ACOXL: variants seen among roughly 807,000 people sequenced by gnomAD.
The protein encoded by ACOXL is acyl-coenzyme A oxidase-like protein.
Under a neutral mutation model 71.9 loss-of-function variants are expected in ACOXL, and 70 were observed. The ratio of observed to expected loss-of-function variants is 0.97; its 90% CI spans 0.80 to 1.19. The LOEUF (loss-of-function observed/expected upper bound fraction) is 1.19. Ranked by LOEUF, ACOXL falls within the 50% of genes most tolerant of loss-of-function variation. ACOXL has a pLI of 0.00. For synonymous variants in ACOXL, 253 were observed against 281.6 expected (o/e 0.90, Z 1.02); for missense variants, 703 against 736.3 (o/e 0.95, Z 0.52).
intron 8 of ACOXL, 43 bp from the exon 9 acceptor site, chr2:110,805,220 T>C (rs200436820): frequency 3.7e-6 from 6 of 1,611,826 alleles, no homozygotes; most frequent in Non-Finnish European, 4.2e-6. Flanking sequence ...CTGGTGGTGC[T>C]ATGTCCTGCT....
intron 12 of ACOXL, among the ~76,000 whole-genome samples, chr2:110,948,274 G>C (rs1309828628): frequency 6.6e-6 from 1 of 152,182 alleles, no homozygotes; most frequent in Non-Finnish European, 1.5e-5. Context: ...TAATCCATCC[G>C]GGCAGCGACT....
At chr2:110,808,788 A>C (rs1686968945) in intron 9 of ACOXL, among the ~76,000 whole-genome samples, 1 of 151,980 alleles carries the variant, frequency 6.6e-6, no homozygotes, top group Non-Finnish European at 1.5e-5. Context: ...AAGGCACTGG[A>C]CTCCCCACTT....
chr2:110,917,474 T>C (rs1238334806), intron 11 of ACOXL, among the ~76,000 whole-genome samples: 11 of 152,220 alleles, frequency 7.2e-5, no homozygotes, highest in Non-Finnish European at 1.2e-4. Flanking sequence ...ACTGGAAGCA[T>C]TCCCTTTGAA....
chr2:110,999,713 C>T (rs910918291), intron 14 of ACOXL, among the ~76,000 whole-genome samples: 3 of 152,144 alleles, frequency 2.0e-5, no homozygotes, highest in African/African-American at 7.2e-5. Flanking sequence ...TGGGCAAAAC[C>T]ATGTCATAAG....
chr2:111,028,099 G>C (rs1450389810), intron 14 of ACOXL, among the ~76,000 whole-genome samples: 4 of 151,922 alleles, frequency 2.6e-5, no homozygotes, highest in Non-Finnish European at 5.9e-5. Context: ...GAGGTTGGGA[G>C]GATTGCAAGA....
At chr2:110,979,212 C>A (rs1390977701) in intron 12 of ACOXL, among the ~76,000 whole-genome samples, 1 of 152,180 alleles carries the variant, frequency 6.6e-6, no homozygotes, top group Non-Finnish European at 1.5e-5. Flanking sequence ...GTAATAAATA[C>A]CCATCTAAAG....
intron 3 of ACOXL, among the ~76,000 whole-genome samples, chr2:110,791,493 A>T (rs1684644879): frequency 6.6e-6 from 1 of 152,228 alleles, no homozygotes; most frequent in Admixed American, 6.5e-5. Flanking sequence ...TTAACTCCCA[A>T]GATGGTTTAG....
chr2:110,867,224 G>T (rs1328818212), intron 10 of ACOXL, among the ~76,000 whole-genome samples: 1 of 152,172 alleles, frequency 6.6e-6, no homozygotes, highest in African/African-American at 2.4e-5. Flanking sequence ...GCTTGGAAGG[G>T]CATGGAGCTG....
intron 3 of ACOXL, among the ~76,000 whole-genome samples, chr2:110,789,631 C>T (rs1684410547): frequency 6.6e-6 from 1 of 152,160 alleles, no homozygotes; most frequent in Non-Finnish European, 1.5e-5. Flanking sequence ...TGGAGTCCCA[C>T]CCTCATGAGC....
intron 12 of ACOXL, among the ~76,000 whole-genome samples, chr2:110,945,875 T>A (rs948791548): frequency 6.6e-6 from 1 of 152,238 alleles, no homozygotes; most frequent in Non-Finnish European, 1.5e-5. Flanking sequence ...TTTTTCTAAT[T>A]CTGTGAAGAA....
At chr2:110,968,473 G>T in intron 12 of ACOXL, 1 of 1,293,290 alleles carries the variant, frequency 7.7e-7, no homozygotes, top group Non-Finnish European at 1.1e-6. Flanking sequence ...CTTAATGGAA[G>T]AAGATGAAGA....
chr2:111,101,088 GA>G (rs1558969624), intron 17 of ACOXL: 1 of 152,656 alleles, frequency 6.6e-6, no homozygotes, highest in African/African-American at 2.4e-5. Context: ...CTTGGAGGAA[GA>G]ATGCGCAGAA....
intron 14 of ACOXL, 57 bp downstream of exon 14, chr2:110,996,061 G>A: frequency 1.5e-6 from 2 of 1,370,386 alleles, no homozygotes; most frequent in Non-Finnish European, 2.1e-6. Flanking sequence ...GGATATCCTT[G>A]CTGGTGAACT....
chr2:110,800,739 T>C (rs73956463), intron 7 of ACOXL, among the ~76,000 whole-genome samples: 2,144 of 152,132 alleles, frequency 0.014, 55 homozygotes, highest in African/African-American at 0.049. Flanking sequence ...TGCACTGCCA[T>C]GGCTGCAGGC....
At chr2:110,851,957 A>C (rs918656962) in intron 10 of ACOXL, among the ~76,000 whole-genome samples, 1 of 152,230 alleles carries the variant, frequency 6.6e-6, no homozygotes. Flanking sequence ...CGCTGAGTGC[A>C]GGGCAGAGAG....
intron 10 of ACOXL, among the ~76,000 whole-genome samples, chr2:110,856,874 T>C (rs940646831): frequency 1.3e-5 from 2 of 152,214 alleles, no homozygotes; most frequent in African/African-American, 4.8e-5. Flanking sequence ...ATCCCAACTC[T>C]TGTATGGGAT....
rs540694240 is a variant in ACOXL at position 111,104,842 on chromosome 2, A to AT, written c.1542+11881dup. 3.7e-4 allele frequency among the ~76,000 whole-genome samples: 57 copies of AT among 152,016 alleles called. 1 individual carries two copies. The South Asian group carries it at 7.7e-3, about 20-fold the overall frequency. On this transcript the variant is annotated intron_variant, in intron 17 of 17. Transcript: ENST00000439055. ...TAATTTAATAAAGTCTAATTTATCC[A>AT]TTTTTCCTTTTATGGACTGTAATGT...
chr2:110,808,183 C>T (rs911859376), intron 9 of ACOXL, among the ~76,000 whole-genome samples: 6 of 152,050 alleles, frequency 3.9e-5, no homozygotes, highest in Non-Finnish European at 7.4e-5. Flanking sequence ...GGCTGGGAAA[C>T]CTTTTCAGAA....
chr2:111,034,251 A>T (rs2065408414), intron 15 of ACOXL, among the ~76,000 whole-genome samples: 1 of 152,256 alleles, frequency 6.6e-6, no homozygotes, highest in African/African-American at 2.4e-5. Flanking sequence ...TTGCCTTTGC[A>T]TCTGGCTCTT....
Sources: allele counts gnomAD v4.1 joint callset (sites outside exome capture counted in the v4.1 genomes callset), GRCh38; gene constraint gnomAD v4.1.1; transcripts MANE v1.5; gene names NCBI Gene and HGNC (gene_info 2026-07-23, HGNC 2026-07-21).